FBXL7: variants seen among roughly 807,000 people sequenced by gnomAD.
FBXL7 encodes F-box/LRR-repeat protein 7.
Under a neutral mutation model 38.3 loss-of-function variants are expected in FBXL7, and 12 were observed. That is an observed-to-expected ratio of 0.31 (90% CI 0.20 to 0.51). The LOEUF (loss-of-function observed/expected upper bound fraction) is 0.51. Ranked by LOEUF, FBXL7 falls within the 20% of genes least tolerant of loss-of-function variation. FBXL7 has a pLI of 0.98. For missense variants in FBXL7, 567 were observed against 676.4 expected (o/e 0.84, Z 1.79); for synonymous variants, 297 against 300.9 (o/e 0.99, Z 0.13).
chr5:15,776,376 T>C (rs2126716001), intron 2 of FBXL7, among the ~76,000 whole-genome samples: 1 of 152,230 alleles, frequency 6.6e-6, no homozygotes, highest in African/African-American at 2.4e-5. Context: ...AAGTTCATGT[T>C]TCTATGGTAA....
chr5:15,818,729 TGTGTGTGTGTGTGTGA>T (rs985586156), intron 2 of FBXL7, among the ~76,000 whole-genome samples: 6 of 91,912 alleles, frequency 6.5e-5, no homozygotes, highest in African/African-American at 1.7e-4. Flanking sequence ...TGTGTGTGTG[TGTGTGTGTGTGTGTGA>T]GAGAGAGAGA....
chr5:15,842,895 G>T (rs1176040218), intron 2 of FBXL7, among the ~76,000 whole-genome samples: 3 of 152,112 alleles, frequency 2.0e-5, no homozygotes, highest in African/African-American at 7.2e-5. Context: ...TCTTGATTAT[G>T]TCTTTTTTAG....
intron 2 of FBXL7, among the ~76,000 whole-genome samples, chr5:15,821,318 A>T (rs983678024): frequency 6.6e-6 from 1 of 152,034 alleles, no homozygotes; most frequent in African/African-American, 2.4e-5. Context: ...TGTTGTGAAG[A>T]TTTCTTTTTA....
chr5:15,604,294 C>A (rs1739920011), intron 1 of FBXL7, among the ~76,000 whole-genome samples: 1 of 152,130 alleles, frequency 6.6e-6, no homozygotes, highest in Non-Finnish European at 1.5e-5. Context: ...TAAGAAAACC[C>A]TTCTCCACCA....
chr5:15,825,953 G>A (rs373729990), intron 2 of FBXL7, among the ~76,000 whole-genome samples: 8 of 152,288 alleles, frequency 5.3e-5, no homozygotes, highest in Non-Finnish European at 7.4e-5. Context: ...CCGGGCTAGC[G>A]CTCATTGCCC....
chr5:15,516,796 C>A (rs1277678603), intron 1 of FBXL7, among the ~76,000 whole-genome samples: 1 of 152,062 alleles, frequency 6.6e-6, no homozygotes, highest in African/African-American at 2.4e-5. Flanking sequence ...AGCTCTTCCC[C>A]CTTTTGGTCG....
intron 2 of FBXL7, among the ~76,000 whole-genome samples, chr5:15,791,064 G>A (rs1042067378): frequency 2.5e-5 from 2 of 80,114 alleles, no homozygotes; most frequent in Admixed American, 1.1e-4. Flanking sequence ...TCAGTGAGTT[G>A]TGTAAAAGGG....
chr5:15,740,263 T>G (rs1735860432), intron 2 of FBXL7, among the ~76,000 whole-genome samples: 1 of 152,140 alleles, frequency 6.6e-6, no homozygotes, highest in Non-Finnish European at 1.5e-5. Flanking sequence ...AACCTTCCAT[T>G]TCTGAGATGG....
chr5:15,735,089 G>A (rs1735711443), intron 2 of FBXL7, among the ~76,000 whole-genome samples: 1 of 152,120 alleles, frequency 6.6e-6, no homozygotes, highest in Admixed American at 6.6e-5. Context: ...GTGCCACCAT[G>A]CCCGGCTAAT....
chr5:15,541,252 C>T (rs915491812), intron 1 of FBXL7, among the ~76,000 whole-genome samples: 2 of 151,468 alleles, frequency 1.3e-5, no homozygotes, highest in Non-Finnish European at 2.9e-5. Flanking sequence ...TTACATTCAA[C>T]AATGGAGTTT....
intron 2 of FBXL7, among the ~76,000 whole-genome samples, chr5:15,702,187 G>C (rs1384748399): frequency 6.7e-6 from 1 of 149,960 alleles, no homozygotes; most frequent in African/African-American, 2.5e-5. Context: ...GCCATGATCC[G>C]AGATTGCGCC....
In FBXL7 at chr5:15,586,355, G is replaced by C. The variant is rs551201848; in HGVS notation, c.38-29628G>C. Among the ~76,000 whole-genome samples, 15 of 135,048 alleles carry C rather than the reference G, an allele frequency of 1.1e-4. No individual in the cohort carries two copies. In the East Asian group the frequency reaches 3.1e-3, roughly 28 times the overall value. The allele number at this position is 135,048 out of a possible 152,430, so 88.6% of individuals were successfully genotyped here. ...TCCATCTCTCTCTTTCTCCCTCTCTGTTTCTCTTCCCCTCCCTTTCTCAAT... is the reference window on the plus strand; with the variant it reads ...TCCATCTCTCTCTTTCTCCCTCTCTCTTTCTCTTCCCCTCCCTTTCTCAAT... On this transcript the variant is annotated intron_variant, in intron 1 of 3. Coordinates refer to ENST00000504595, the MANE Select transcript of FBXL7 (RefSeq NM_012304.5).
chr5:15,685,467 A>C (rs898294891), intron 2 of FBXL7, among the ~76,000 whole-genome samples: 1 of 152,206 alleles, frequency 6.6e-6, no homozygotes, highest in African/African-American at 2.4e-5. Context: ...CCTGAAAGAC[A>C]TGGGGAGACT....
chr5:15,895,591 CA>C (rs1741072007), intron 2 of FBXL7, among the ~76,000 whole-genome samples: 1 of 146,028 alleles, frequency 6.8e-6, no homozygotes, highest in Non-Finnish European at 1.5e-5. Flanking sequence ...TGTTGCCTTA[CA>C]AATGATCACC....
chr5:15,728,978 A>G (rs1022073603), intron 2 of FBXL7, among the ~76,000 whole-genome samples: 2 of 152,152 alleles, frequency 1.3e-5, no homozygotes, highest in Non-Finnish European at 2.9e-5. Flanking sequence ...CATGTCATAT[A>G]ATTAAGAATT....
At chr5:15,574,886 C>A (rs1425422275) in intron 1 of FBXL7, among the ~76,000 whole-genome samples, 1 of 151,098 alleles carries the variant, frequency 6.6e-6, no homozygotes, top group Non-Finnish European at 1.5e-5. Context: ...GATGGGTCCT[C>A]AACTAGTTGC....
At chr5:15,753,001 G>A (rs965175933) in intron 2 of FBXL7, among the ~76,000 whole-genome samples, 3 of 152,102 alleles carry the variant, frequency 2.0e-5, no homozygotes, top group African/African-American at 7.2e-5. Flanking sequence ...TGTTTTTGTG[G>A]CTGTTGTGAT....
chr5:15,830,483 AAAACACACACACAC>A (rs1392249904), intron 2 of FBXL7, among the ~76,000 whole-genome samples: 10 of 34,220 alleles, frequency 2.9e-4, no homozygotes, highest in Middle Eastern at 0.02. Flanking sequence ...GACTCCATCT[AAAACACACACACAC>A]ACACACACAC....
chr5:15,808,775 A>C (rs537977580), intron 2 of FBXL7, among the ~76,000 whole-genome samples: 4 of 152,188 alleles, frequency 2.6e-5, no homozygotes, highest in Non-Finnish European at 4.4e-5. Context: ...AGTTCCTGAC[A>C]CACAGCAGGG....
Sources: allele counts gnomAD v4.1 joint callset (sites outside exome capture counted in the v4.1 genomes callset), GRCh38; gene constraint gnomAD v4.1.1; transcripts MANE v1.5; gene names NCBI Gene and HGNC (gene_info 2026-07-23, HGNC 2026-07-21).